Variants in CRACDL observed in about 807,000 individuals in gnomAD.
The protein encoded by CRACDL is CRACD like, also known as CRACD-like protein.
CRACDL carries 26 observed loss-of-function variants against 70.6 expected under a neutral mutation model. The observed-to-expected ratio is 0.37, with a 90% CI of 0.27 to 0.51. CRACDL has a LOEUF of 0.51. CRACDL is among the 20% of genes least tolerant of loss of function. The pLI, the probability that CRACDL is intolerant of heterozygous loss-of-function variation, is 0.94. For synonymous variants in CRACDL, 618 were observed against 615.2 expected (o/e 1.00, Z -0.07); for missense variants, 1,283 against 1,376.9 (o/e 0.93, Z 1.08).
intron 1 of CRACDL, among the ~76,000 whole-genome samples, chr2:98,849,559 G>A (rs1288810831): frequency 2.0e-5 from 3 of 152,022 alleles, no homozygotes; most frequent in African/African-American, 7.2e-5. Context: ...AGATGCAGAT[G>A]TAGGCGGAGG....
intron 1 of CRACDL, among the ~76,000 whole-genome samples, chr2:98,873,176 C>A (rs1221848674): frequency 1.3e-5 from 2 of 152,314 alleles, no homozygotes; most frequent in African/African-American, 4.8e-5. Context: ...AGAAGGAACC[C>A]TCGATGTCAG....
intron 7 of CRACDL, among the ~76,000 whole-genome samples, chr2:98,802,477 C>T (rs1704119779): frequency 1.3e-5 from 2 of 151,312 alleles, no homozygotes; most frequent in South Asian, 4.1e-4. Context: ...TATTACTGAG[C>T]TATTTGTATT....
chr2:98,867,940 G>T (rs1213826980), intron 1 of CRACDL, among the ~76,000 whole-genome samples: 1 of 152,150 alleles, frequency 6.6e-6, no homozygotes, highest in Non-Finnish European at 1.5e-5. Flanking sequence ...CAGCAGATGT[G>T]GAGCTGAATT....
intron 1 of CRACDL, among the ~76,000 whole-genome samples, chr2:98,916,874 C>T (rs1438449887): frequency 6.6e-6 from 1 of 152,210 alleles, no homozygotes; most frequent in Non-Finnish European, 1.5e-5. Context: ...GGGTCAGCAC[C>T]TGTCCTTCGG....
At chr2:98,843,894 A>C (rs555939339) in intron 2 of CRACDL, among the ~76,000 whole-genome samples, 1 of 152,268 alleles carries the variant, frequency 6.6e-6, no homozygotes, top group South Asian at 2.1e-4. Flanking sequence ...ATCTGCAAAA[A>C]GTTTTGCTGG....
chr2:98,833,327 C>G (rs1017475067), intron 3 of CRACDL, among the ~76,000 whole-genome samples: 1 of 152,218 alleles, frequency 6.6e-6, no homozygotes, highest in Admixed American at 6.5e-5. Flanking sequence ...CGGCCAGCTT[C>G]TGAGGAGGCC....
chr2:98,852,108 G>T (rs1400184164), intron 1 of CRACDL, among the ~76,000 whole-genome samples: 1 of 152,126 alleles, frequency 6.6e-6, no homozygotes, highest in African/African-American at 2.4e-5. Context: ...GGAATTTAGG[G>T]CTGCCAGAGC....
chr2:98,797,378 T>C lies in CRACDL; in HGVS notation c.2576A>G (p.Lys859Arg), dbSNP rs761089400. Residue 859 changes from lysine (K) to arginine (R), a missense_variant, in exon 8 of 10, where the codon AAG becomes AGG. This residue lies in a region of CRACDL where 921 missense variants were observed against 881.9 expected (regional missense o/e 1.04). Coordinates refer to ENST00000397899, the MANE Select transcript of CRACDL (RefSeq NM_207362.3). ...GCCTCTCTCGGGCACCTTGGCTTGCTTTCCTGGTTCAGACTTCAGGGTCCG... is the reference window on the plus strand; with the variant it reads ...GCCTCTCTCGGGCACCTTGGCTTGCCTTCCTGGTTCAGACTTCAGGGTCCG... The part of the protein sequence containing the change: ...GARTLKSEPG[K>R]QAKVPERGQE... The C allele has an allele frequency of 6.2e-7, 1 of 1,614,230 alleles. No homozygotes were observed. The highest frequency in any genetic ancestry group is 8.5e-7 in the Non-Finnish European group (1 of 1,180,034).
At chr2:98,865,075 C>T (rs773653601) in intron 1 of CRACDL, among the ~76,000 whole-genome samples, 14 of 152,118 alleles carry the variant, frequency 9.2e-5, no homozygotes, top group Non-Finnish European at 1.8e-4. Context: ...CAGACACAAA[C>T]GTCAACAAGA....
intron 3 of CRACDL, among the ~76,000 whole-genome samples, chr2:98,836,999 G>A (rs1705814859): frequency 6.6e-6 from 1 of 151,572 alleles, no homozygotes; most frequent in African/African-American, 2.4e-5. Context: ...GCAGGAGGAT[G>A]GCGTGAACCC....
At chr2:98,817,708 G>GA (rs960119645) in intron 7 of CRACDL, among the ~76,000 whole-genome samples, 9 of 152,186 alleles carry the variant, frequency 5.9e-5, no homozygotes, top group Non-Finnish European at 1.2e-4. Flanking sequence ...AATATTTGTT[G>GA]AAAAAAAGAA....
chr2:98,861,693 G>C lies in CRACDL; in HGVS notation c.-10-14883C>G, dbSNP rs563022621. Among the ~76,000 whole-genome samples the C allele has an allele frequency of 9.8e-5, 15 of 152,322 alleles. No individual in the cohort carries two copies. In the East Asian group the frequency reaches 2.7e-3, roughly 27 times the overall value. The stretch of plus-strand genomic sequence containing the variant: ...TTCTGCTAGTGCAATTGCACTAGCA[G>C]AATCTGTCTGATGTAATTATTTTGA... On this transcript the variant is annotated intron_variant, in intron 1 of 9. Transcript: ENST00000397899.
rs369794054 is a variant in CRACDL at position 98,832,918 on chromosome 2, G to A, written c.319C>T (p.Arg107Trp). Residue 107 changes from arginine (R) to tryptophan (W), a missense_variant, in exon 4 of 10, where the codon CGG becomes TGG. By Grantham distance (101) the Arg-to-Trp change is moderately radical (BLOSUM62 -3). This residue lies in a region of CRACDL where 362 missense variants were observed against 495.0 expected (regional missense o/e 0.73). Transcript: ENST00000397899. Reference sequence around the variant, plus strand: ...TCTTGGGAAAACACCCGCACAGGCCGAGTAGCGTCCTGTCCGGACTCAGGA... The same window carrying A: ...TCTTGGGAAAACACCCGCACAGGCCAAGTAGCGTCCTGTCCGGACTCAGGA... ...FIPESGQDAT[R>W]PVRVFSQENV... 73 of 1,614,108 alleles carry A rather than the reference G, an allele frequency of 4.5e-5. No individual in the cohort carries two copies. In the South Asian group the frequency reaches 6.4e-4, roughly 14 times the overall value.
chr2:98,894,538 G>A (rs1573160140), intron 1 of CRACDL, among the ~76,000 whole-genome samples: 1 of 152,168 alleles, frequency 6.6e-6, no homozygotes, highest in African/African-American at 2.4e-5. Context: ...ACTGGTGAGT[G>A]GGTGGCAATC....
intron 1 of CRACDL, among the ~76,000 whole-genome samples, chr2:98,901,410 C>G (rs1441557401): frequency 6.6e-6 from 1 of 152,198 alleles, no homozygotes; most frequent in Non-Finnish European, 1.5e-5. Flanking sequence ...GGGCATGGCA[C>G]AAACCTCAGT....
At chr2:98,918,655 T>G (rs953415711) in intron 1 of CRACDL, among the ~76,000 whole-genome samples, 3 of 152,110 alleles carry the variant, frequency 2.0e-5, no homozygotes, top group African/African-American at 7.2e-5. Flanking sequence ...GATATCTCAT[T>G]GTGCTTTTAA....
At chr2:98,870,975 C>T (rs1292689334) in intron 1 of CRACDL, among the ~76,000 whole-genome samples, 2 of 152,250 alleles carry the variant, frequency 1.3e-5, no homozygotes, top group South Asian at 2.1e-4. Context: ...GCCCAGGGAC[C>T]GCGAGATTCG....
chr2:98,894,573 A>C (rs759446854), intron 1 of CRACDL, among the ~76,000 whole-genome samples: 3 of 152,184 alleles, frequency 2.0e-5, no homozygotes, highest in Non-Finnish European at 4.4e-5. Flanking sequence ...AGTGAGGCCA[A>C]TATATTTATA....
intron 1 of CRACDL, among the ~76,000 whole-genome samples, chr2:98,894,686 G>A (rs1708071975): frequency 6.6e-6 from 1 of 152,170 alleles, no homozygotes; most frequent in Non-Finnish European, 1.5e-5. Flanking sequence ...TCCCTGGATG[G>A]CATCTGGAGA....
Sources: gnomAD v4.1 joint callset for allele counts (sites outside exome capture counted in the v4.1 genomes callset) on GRCh38, gnomAD v4.1.1 for gene constraint, gnomAD v4.1.1 regional missense constraint, MANE v1.5 for transcripts, NCBI Gene and HGNC (gene_info 2026-07-23, HGNC 2026-07-21) for gene names.